TCF4: variants seen among roughly 807,000 people sequenced by gnomAD.
The protein encoded by TCF4 is transcription factor 4.
In TCF4, 3 loss-of-function variants were observed where a neutral mutation model predicts 82.1. That is an observed-to-expected ratio of 0.04 (90% CI 0.02 to 0.09). The LOEUF (loss-of-function observed/expected upper bound fraction) is 0.09. Ranked by LOEUF, TCF4 falls within the 10% of genes least tolerant of loss-of-function variation. The probability of loss-of-function intolerance (pLI) is 1.00; values close to 1 mark genes in which losing one functional copy is unlikely to be tolerated. For missense variants in TCF4, 518 were observed against 852.7 expected (o/e 0.61, Z 4.89); for synonymous variants, 276 against 309.6 (o/e 0.89, Z 1.14).
At chr18:55,524,334 GC>G (rs2096959395) in intron 3 of TCF4, among the ~76,000 whole-genome samples, 1 of 151,858 alleles carries the variant, frequency 6.6e-6, no homozygotes. Context: ...TCTTCAAGAT[GC>G]TTTCATACAC....
chr18:55,587,748 C>T (rs2097664854), intron 1 of TCF4, among the ~76,000 whole-genome samples: 1 of 151,132 alleles, frequency 6.6e-6, no homozygotes, highest in South Asian at 2.1e-4. Context: ...GGGTCGGGTC[C>T]TCTAATTGTC....
intron 3 of TCF4, among the ~76,000 whole-genome samples, chr18:55,498,382 G>T (rs2096660848): frequency 6.6e-6 from 1 of 152,124 alleles, no homozygotes; most frequent in African/African-American, 2.4e-5. Context: ...AGGGGCCCAG[G>T]GTTTCTGCCA....
intron 8 of TCF4, among the ~76,000 whole-genome samples, chr18:55,291,384 C>T (rs1251593125): frequency 6.6e-6 from 1 of 152,132 alleles, no homozygotes; most frequent in African/African-American, 2.4e-5. Context: ...TAAACAGATG[C>T]CTTCATCTTC....
chr18:55,451,898 T>C (rs1568072035), intron 5 of TCF4, among the ~76,000 whole-genome samples: 2 of 152,168 alleles, frequency 1.3e-5, no homozygotes, highest in African/African-American at 4.8e-5. Flanking sequence ...CCCAGAACTT[T>C]GGGAGGCTAA....
intron 3 of TCF4, among the ~76,000 whole-genome samples, chr18:55,572,425 G>A (rs1271604078): frequency 1.3e-5 from 2 of 152,150 alleles, no homozygotes; most frequent in East Asian, 1.9e-4. Context: ...ATGGAGTGAG[G>A]AGGGAGGGGA....
intron 8 of TCF4, among the ~76,000 whole-genome samples, chr18:55,324,115 C>A (rs946521790): frequency 6.6e-6 from 1 of 152,054 alleles, no homozygotes. Context: ...GATTTTTAAA[C>A]CCTGACAATT....
At position 55,470,921 on chromosome 18, in the gene TCF4, C is replaced by T. The variant is rs79293619; in HGVS notation, c.146-6784G>A. Among the ~76,000 whole-genome samples the T allele has an allele frequency of 7.9e-4, 120 of 152,254 alleles. 2 individuals are homozygous for T. In the East Asian group the frequency reaches 0.023, roughly 29 times the overall value. The stretch of plus-strand genomic sequence containing the variant: ...ACACTGCCTCAAAACCTTCTTCCTG[C>T]AACAACAGACACTATTAAATATCCT... On this transcript the variant is annotated intron_variant, in intron 3 of 19. Transcript: ENST00000354452.
intron 3 of TCF4, among the ~76,000 whole-genome samples, chr18:55,486,360 GGT>G (rs1467486026): frequency 2.6e-5 from 4 of 152,148 alleles, no homozygotes; most frequent in African/African-American, 9.7e-5. Context: ...GGGAGGCTGA[GGT>G]GGGCAGATGG....
chr18:55,406,257 T>C (rs1186505968), intron 5 of TCF4, among the ~76,000 whole-genome samples: 1 of 151,970 alleles, frequency 6.6e-6, no homozygotes, highest in Non-Finnish European at 1.5e-5. Flanking sequence ...TAGTGTAAGC[T>C]TTTAACTTTA....
chr18:55,544,567 C>T lies in TCF4; in HGVS notation c.145+40713G>A, dbSNP rs1443361324. 3.3e-5 allele frequency among the ~76,000 whole-genome samples: 5 copies of T among 152,136 alleles called. No individual in the cohort carries two copies. The South Asian group carries it at 1.0e-3, about 32-fold the overall frequency. On this transcript the variant is annotated intron_variant, in intron 3 of 19. Coordinates refer to ENST00000354452, the MANE Select transcript of TCF4 (RefSeq NM_001083962.2). ...TGAGGACCATTCTTCATTCTGACTT[C>T]TCGAAATTCTGTTTGTCTTCGTGGC...
intron 3 of TCF4, among the ~76,000 whole-genome samples, chr18:55,571,808 A>C (rs1489189037): frequency 1.3e-5 from 2 of 150,302 alleles, no homozygotes; most frequent in Non-Finnish European, 3.0e-5. Flanking sequence ...GAAAACACAC[A>C]TCATAATTCA....
At chr18:55,413,576 A>G (rs968793857) in intron 5 of TCF4, among the ~76,000 whole-genome samples, 7 of 152,152 alleles carry the variant, frequency 4.6e-5, no homozygotes, top group African/African-American at 1.7e-4. Flanking sequence ...AGGAAGGGGA[A>G]GGTTGGTAGA....
At chr18:55,285,362 A>C (rs1195786104) in intron 8 of TCF4, among the ~76,000 whole-genome samples, 1 of 152,182 alleles carries the variant, frequency 6.6e-6, no homozygotes, top group Non-Finnish European at 1.5e-5. Context: ...ATTAGGGATA[A>C]TATATGTCAA....
At chr18:55,547,766 G>A (rs534273492) in intron 3 of TCF4, among the ~76,000 whole-genome samples, 4 of 152,146 alleles carry the variant, frequency 2.6e-5, no homozygotes, top group East Asian at 1.9e-4. Flanking sequence ...TAAAATGCTC[G>A]CTTTGTGACC....
chr18:55,467,825 A>G (rs920396193), intron 3 of TCF4, among the ~76,000 whole-genome samples: 2 of 152,182 alleles, frequency 1.3e-5, no homozygotes, highest in Non-Finnish European at 2.9e-5. Flanking sequence ...TCAAAGAAAG[A>G]GTAACAGCTC....
chr18:55,338,411 T>C (rs895811842), intron 8 of TCF4, among the ~76,000 whole-genome samples: 3 of 152,192 alleles, frequency 2.0e-5, no homozygotes, highest in African/African-American at 7.2e-5. Flanking sequence ...GAAATGGCCA[T>C]GAGTGCCTCT....
chr18:55,411,589 G>A (rs553232445), intron 5 of TCF4, among the ~76,000 whole-genome samples: 98 of 152,272 alleles, frequency 6.4e-4, no homozygotes, highest in African/African-American at 2.3e-3. Context: ...GGTGAGTGTG[G>A]AGAAAAGCAA....
chr18:55,448,650 A>C (rs2095567681), intron 5 of TCF4, among the ~76,000 whole-genome samples: 1 of 152,236 alleles, frequency 6.6e-6, no homozygotes, highest in South Asian at 2.1e-4. Flanking sequence ...GATTAGAGTC[A>C]GTTTATAGAG....
intron 11 of TCF4, chr18:55,264,811 T>C (rs2058766123): frequency 6.6e-6 from 1 of 152,180 alleles, no homozygotes; most frequent in African/African-American, 2.4e-5. Flanking sequence ...CTCTAATCAA[T>C]TTATCTTGCC....
Sources: allele counts gnomAD v4.1 joint callset (sites outside exome capture counted in the v4.1 genomes callset), GRCh38; gene constraint gnomAD v4.1.1; transcripts MANE v1.5; gene names NCBI Gene and HGNC (gene_info 2026-07-23, HGNC 2026-07-21).